KCTD8: variants seen among roughly 807,000 people sequenced by gnomAD.
The protein encoded by KCTD8 is BTB/POZ domain-containing protein KCTD8.
Under a neutral mutation model 31.5 loss-of-function variants are expected in KCTD8, and 27 were observed. The observed-to-expected ratio is 0.86, with a 90% confidence interval of 0.63 to 1.18. KCTD8 has a LOEUF of 1.18. KCTD8 is among the 50% of genes most tolerant of loss of function. KCTD8 has a pLI of 0.00. For missense variants in KCTD8, 658 were observed against 647.7 expected (o/e 1.02, Z -0.17); for synonymous variants, 290 against 280.0 (o/e 1.04, Z -0.36).
At chr4:44,238,473 G>A (rs1715355645) in intron 1 of KCTD8, among the ~76,000 whole-genome samples, 1 of 152,086 alleles carries the variant, frequency 6.6e-6, no homozygotes, top group Admixed American at 6.6e-5. Context: ...TTGCAACAGA[G>A]TTTAGTGGAG....
At chr4:44,257,892 A>G (rs1196512254) in intron 1 of KCTD8, among the ~76,000 whole-genome samples, 2 of 152,012 alleles carry the variant, frequency 1.3e-5, no homozygotes, top group Non-Finnish European at 2.9e-5. Flanking sequence ...TTTTATTAAT[A>G]TAAGATTGAA....
At chr4:44,304,175 C>A (rs368182076) in intron 1 of KCTD8, among the ~76,000 whole-genome samples, 1 of 152,020 alleles carries the variant, frequency 6.6e-6, no homozygotes, top group East Asian at 1.9e-4. Flanking sequence ...CCATTTTCCC[C>A]ATCAAAGCTT....
chr4:44,267,501 A>T (rs1366942355), intron 1 of KCTD8, among the ~76,000 whole-genome samples: 1 of 152,210 alleles, frequency 6.6e-6, no homozygotes, highest in Non-Finnish European at 1.5e-5. Flanking sequence ...AAGCAAGAGC[A>T]AACACATTCA....
rs139346931 is a variant in KCTD8, at chr4:44,183,112, A to G, written c.962-7862T>C. 1.5e-3 allele frequency among the ~76,000 whole-genome samples: 228 copies of G among 152,334 alleles called. 8 individuals are homozygous for G. The East Asian group carries it at 0.035, about 23-fold the overall frequency. On this transcript the variant is annotated intron_variant, in intron 1 of 1. Transcript: ENST00000360029. ...GGGTCTGCACGTAACACCTATGCAC[A>G]TATGAATTGCAGACAGGTCTCTTAG... is the stretch of plus-strand genomic sequence containing the variant.
chr4:44,357,297 C>A (rs569786659), intron 1 of KCTD8, among the ~76,000 whole-genome samples: 3 of 152,102 alleles, frequency 2.0e-5, no homozygotes, highest in African/African-American at 2.4e-5. Context: ...TCTTTCTTTG[C>A]GAGGCTGCCT....
At chr4:44,284,500 A>T (rs2109381149) in intron 1 of KCTD8, among the ~76,000 whole-genome samples, 1 of 152,352 alleles carries the variant, frequency 6.6e-6, no homozygotes, top group South Asian at 2.1e-4. Flanking sequence ...TAAATGTAAG[A>T]TCTAGGATCA....
chr4:44,380,639 C>A (rs978449343), intron 1 of KCTD8, among the ~76,000 whole-genome samples: 19 of 151,858 alleles, frequency 1.3e-4, no homozygotes, highest in African/African-American at 4.6e-4. Flanking sequence ...AGAGTTTCCA[C>A]AACGCTTCTG....
intron 1 of KCTD8, among the ~76,000 whole-genome samples, chr4:44,239,636 T>C (rs1395943205): frequency 6.6e-6 from 1 of 152,216 alleles, no homozygotes; most frequent in African/African-American, 2.4e-5. Context: ...TCTGTAGTCT[T>C]TGATGGAGAG....
At chr4:44,421,913 C>T (rs888850911) in intron 1 of KCTD8, among the ~76,000 whole-genome samples, 9 of 152,170 alleles carry the variant, frequency 5.9e-5, no homozygotes, top group Non-Finnish European at 1.2e-4. Context: ...TGTGTATCTG[C>T]TTTTATTTCC....
intron 1 of KCTD8, among the ~76,000 whole-genome samples, chr4:44,188,336 G>C (rs1713653495): frequency 6.6e-6 from 1 of 152,192 alleles, no homozygotes; most frequent in South Asian, 2.1e-4. Flanking sequence ...TCATTTCATA[G>C]TACAATAAAA....
At chr4:44,327,248 T>C (rs564771712) in intron 1 of KCTD8, among the ~76,000 whole-genome samples, 3 of 152,018 alleles carry the variant, frequency 2.0e-5, no homozygotes, top group East Asian at 1.9e-4. Context: ...GTTTGGACAA[T>C]GTATCTGTGA....
intron 1 of KCTD8, among the ~76,000 whole-genome samples, chr4:44,357,963 T>C (rs1443578663): frequency 1.3e-5 from 2 of 152,034 alleles, no homozygotes; most frequent in African/African-American, 4.8e-5. Flanking sequence ...ATTTGTTACA[T>C]AGGTATACAC....
intron 1 of KCTD8, among the ~76,000 whole-genome samples, chr4:44,406,205 T>C (rs1720792894): frequency 6.6e-6 from 1 of 152,144 alleles, no homozygotes; most frequent in African/African-American, 2.4e-5. Flanking sequence ...GTAGTTCACA[T>C]GGCACCCAGG....
intron 1 of KCTD8, among the ~76,000 whole-genome samples, chr4:44,336,149 CAAAAAA>C (rs58161667): frequency 2.1e-4 from 10 of 46,516 alleles, no homozygotes; most frequent in South Asian, 1.2e-3. Context: ...GACTCCGTCT[CAAAAAA>C]AAAAAAAAAA....
intron 1 of KCTD8, among the ~76,000 whole-genome samples, chr4:44,419,973 A>G (rs1311400490): frequency 1.3e-5 from 2 of 152,090 alleles, no homozygotes; most frequent in Non-Finnish European, 2.9e-5. Context: ...AGCAGTGAAG[A>G]GATAAAAATG....
intron 1 of KCTD8, among the ~76,000 whole-genome samples, chr4:44,287,538 C>T (rs1023563143): frequency 6.6e-6 from 1 of 152,168 alleles, no homozygotes; most frequent in African/African-American, 2.4e-5. Context: ...GACTCTAGCA[C>T]CAAACTCAAT....
intron 1 of KCTD8, among the ~76,000 whole-genome samples, chr4:44,272,634 A>T (rs893331837): frequency 2.0e-5 from 3 of 152,096 alleles, no homozygotes; most frequent in African/African-American, 7.2e-5. Flanking sequence ...GTGCATGTAG[A>T]TTGTATTAAT....
At chr4:44,209,225 T>A (rs891752803) in intron 1 of KCTD8, among the ~76,000 whole-genome samples, 3 of 152,100 alleles carry the variant, frequency 2.0e-5, no homozygotes, top group African/African-American at 7.2e-5. Context: ...TCTTGCAATG[T>A]GGAATAGAGA....
At chr4:44,349,540 A>G (rs1441781818) in intron 1 of KCTD8, among the ~76,000 whole-genome samples, 1 of 152,194 alleles carries the variant, frequency 6.6e-6, no homozygotes, top group Non-Finnish European at 1.5e-5. Context: ...AGCTAATGTC[A>G]TCCTGAAAGC....
Sources: gnomAD v4.1 joint callset for allele counts (sites outside exome capture counted in the v4.1 genomes callset) on GRCh38, gnomAD v4.1.1 for gene constraint, MANE v1.5 for transcripts, NCBI Gene and HGNC (gene_info 2026-07-23, HGNC 2026-07-21) for gene names.